NCOA2: variants seen among roughly 807,000 people sequenced by gnomAD.
NCOA2 encodes class E basic helix-loop-helix protein 75.
Under a neutral mutation model 145.1 loss-of-function variants are expected in NCOA2, and 21 were observed. That is an observed-to-expected ratio of 0.14 (90% CI 0.10 to 0.21). The LOEUF (loss-of-function observed/expected upper bound fraction) is 0.21. NCOA2 is among the 10% of genes least tolerant of loss of function. The pLI, the probability that NCOA2 is intolerant of heterozygous loss-of-function variation, is 1.00. For missense variants in NCOA2, 1,472 were observed against 1,837.6 expected, an observed-to-expected ratio of 0.80 and a Z score of 3.64; for synonymous variants, 619 against 637.5, an observed-to-expected ratio of 0.97 and a Z score of 0.44.
At chr8:70,314,332 A>G (rs1805405068) in intron 1 of NCOA2, among the ~76,000 whole-genome samples, 4 of 152,022 alleles carry the variant, frequency 2.6e-5, no homozygotes, top group Admixed American at 1.3e-4. Context: ...TCCTATTTCT[A>G]TCTATGGACT....
chr8:70,288,467 C>G (rs1251091026), intron 2 of NCOA2, among the ~76,000 whole-genome samples: 4 of 151,946 alleles, frequency 2.6e-5, no homozygotes, highest in Non-Finnish European at 5.9e-5. Flanking sequence ...TTAGTCACAG[C>G]TACTCGGGGA....
At chr8:70,239,813 T>A (rs1312213536) in intron 2 of NCOA2, among the ~76,000 whole-genome samples, 1 of 151,968 alleles carries the variant, frequency 6.6e-6, no homozygotes, top group Non-Finnish European at 1.5e-5. Flanking sequence ...CACAAGATAA[T>A]AAAGTTACAA....
At chr8:70,419,155 G>A in the NCOA2 span, among the ~76,000 whole-genome samples, 2 of 150,686 alleles carry the variant, frequency 1.3e-5, no homozygotes, top group Non-Finnish European at 3.0e-5. Flanking sequence ...AACCCTCCCA[G>A]TGTATTTGGC....
chr8:70,293,745 T>C (rs184182925), intron 2 of NCOA2, among the ~76,000 whole-genome samples: 3 of 152,330 alleles, frequency 2.0e-5, no homozygotes, highest in Admixed American at 6.5e-5. Flanking sequence ...TGCTCCTGTT[T>C]TGATTATCAA....
At chr8:70,423,734 G>A in the NCOA2 span, among the ~76,000 whole-genome samples, 7 of 152,214 alleles carry the variant, frequency 4.6e-5, no homozygotes, top group African/African-American at 1.7e-4. Context: ...AATAATAAGC[G>A]GAGACTCAAA....
chr8:70,131,990 G>C lies in NCOA2; in HGVS notation c.3171C>G (p.Gly1057=), dbSNP rs1461264085. The change falls in exon 16 of 23, where the codon GGC becomes GGG. Residue 1057 remains glycine, a synonymous_variant. Coordinates refer to ENST00000452400, the MANE Select transcript of NCOA2 (RefSeq NM_006540.4). ...SFASQNRQPF[G]SSPDDLLCPH... Reference sequence around the variant, plus strand: ...GACATAGCAAGTCATCTGGAGAACTGCCAAATGGCTGCCTGTAAAGACAGA... The same window carrying C: ...GACATAGCAAGTCATCTGGAGAACTCCCAAATGGCTGCCTGTAAAGACAGA... 1.9e-6 allele frequency: 3 copies of C among 1,611,926 alleles called. No homozygotes were observed. Among genetic ancestry groups the C allele is most frequent in the African/African-American group, 1.3e-5 (1 of 74,912 alleles).
chr8:70,424,780 C>A, the NCOA2 span, among the ~76,000 whole-genome samples: 1 of 152,310 alleles, frequency 6.6e-6, no homozygotes, highest in African/African-American at 2.4e-5. Context: ...TATTTAAGCA[C>A]GCAAATGTGA....
At chr8:70,408,300 C>G (rs1814812865), upstream of NCOA2, among the ~76,000 whole-genome samples, 1 of 152,132 alleles carries the variant, frequency 6.6e-6, no homozygotes, top group African/African-American at 2.4e-5. Flanking sequence ...CCATGAACTA[C>G]TAAAATGAAT....
Position 70,113,556 on chromosome 8 carries a change from G to A in NCOA2, c.*76C>T. 1 of 1,506,300 alleles carries A rather than the reference G, an allele frequency of 6.6e-7. No individual in the cohort carries two copies. Among genetic ancestry groups the A allele is most frequent in the Non-Finnish European group, 9.0e-7 (1 of 1,106,132 alleles). 93.3% of individuals were successfully genotyped at this position (1,506,300 alleles called of 1,614,324 possible). A position where few individuals can be genotyped will look rare whatever the true frequency, so the allele number is the denominator to read the frequency against. On this transcript the variant is annotated 3_prime_UTR_variant, in exon 23 of 23. Transcript: ENST00000452400. ...CAGGTCAGTTGGGTTGAAACAAATA[G>A]ACACAGCTCTCCAGACTGGAAGTGT... is the stretch of plus-strand genomic sequence containing the variant.
chr8:70,186,381 C>A (rs1816071385), intron 4 of NCOA2, among the ~76,000 whole-genome samples: 1 of 152,156 alleles, frequency 6.6e-6, no homozygotes, highest in African/African-American at 2.4e-5. Context: ...TCACTTTCCT[C>A]CCCTGACCAG....
chr8:70,343,887 G>A (rs895916929), intron 1 of NCOA2, among the ~76,000 whole-genome samples: 1 of 151,898 alleles, frequency 6.6e-6, no homozygotes. Context: ...AGAAAAATGT[G>A]TTTCAAAAAT....
chr8:70,295,418 A>T (rs1282339194), intron 2 of NCOA2, among the ~76,000 whole-genome samples: 1 of 152,210 alleles, frequency 6.6e-6, no homozygotes, highest in Non-Finnish European at 1.5e-5. Context: ...AATATGATCC[A>T]GTATGGAGAC....
chr8:70,406,871 T>A (rs1298747914), upstream of NCOA2, among the ~76,000 whole-genome samples: 1 of 152,164 alleles, frequency 6.6e-6, no homozygotes. Context: ...GAGGTAACAG[T>A]ATGGTAAAAA....
At chr8:70,398,505 T>C (rs1813904921) in intron 1 of NCOA2, among the ~76,000 whole-genome samples, 1 of 152,090 alleles carries the variant, frequency 6.6e-6, no homozygotes, top group East Asian at 1.9e-4. Flanking sequence ...CAAAGTAAGA[T>C]TTAAGTTGGC....
intron 4 of NCOA2, among the ~76,000 whole-genome samples, chr8:70,207,138 T>C (rs887843120): frequency 2.6e-5 from 4 of 152,204 alleles, no homozygotes; most frequent in African/African-American, 7.2e-5. Flanking sequence ...ACAAAATTTA[T>C]TGAATGAATA....
At chr8:70,199,571 G>C (rs1817681682) in intron 4 of NCOA2, among the ~76,000 whole-genome samples, 4 of 152,058 alleles carry the variant, frequency 2.6e-5, no homozygotes, top group Admixed American at 1.3e-4. Context: ...GCTGCAGACA[G>C]TCCAGGGAGC....
chr8:70,386,463 A>G (rs1032443801), intron 1 of NCOA2, among the ~76,000 whole-genome samples: 1 of 152,132 alleles, frequency 6.6e-6, no homozygotes, highest in Non-Finnish European at 1.5e-5. Context: ...GTTCATTATT[A>G]CTTATAAGTG....
intron 5 of NCOA2, among the ~76,000 whole-genome samples, chr8:70,171,848 C>T (rs999232233): frequency 6.6e-6 from 1 of 151,760 alleles, no homozygotes; most frequent in African/African-American, 2.4e-5. Flanking sequence ...TTTTGAGACA[C>T]AGTCTCACTC....
chr8:70,114,946 G>A (rs1380825546), intron 22 of NCOA2, among the ~76,000 whole-genome samples: 1 of 152,144 alleles, frequency 6.6e-6, no homozygotes, highest in Non-Finnish European at 1.5e-5. Context: ...CTTAAAAAAT[G>A]AGCTTAGAAT....
Sources: allele counts gnomAD v4.1 joint callset (sites outside exome capture counted in the v4.1 genomes callset), GRCh38; gene constraint gnomAD v4.1.1; transcripts MANE v1.5; gene names NCBI Gene and HGNC (gene_info 2026-07-23, HGNC 2026-07-21).